HS2ST1: variants seen among roughly 807,000 people sequenced by gnomAD.
The protein encoded by HS2ST1 is heparan sulfate 2-O-sulfotransferase 1.
Under a neutral mutation model 42.9 loss-of-function variants are expected in HS2ST1, and 18 were observed. That is an observed-to-expected ratio of 0.42 (90% confidence interval 0.29 to 0.62). HS2ST1 has a LOEUF of 0.62. Among genes scored for constraint, HS2ST1 ranks in the 20% least tolerant of loss-of-function variants. HS2ST1 has a pLI of 0.21. For missense variants in HS2ST1, 334 were observed against 433.8 expected, an observed-to-expected ratio of 0.77 and a Z score of 2.04; for synonymous variants, 146 against 152.9, an observed-to-expected ratio of 0.95 and a Z score of 0.33.
chr1:87,042,412 AT>A (rs1487600669), intron 1 of HS2ST1, among the ~76,000 whole-genome samples: 1 of 151,972 alleles, frequency 6.6e-6, no homozygotes, highest in Non-Finnish European at 1.5e-5. Context: ...TGTAATAAAA[AT>A]TTCCCCCTAT....
intron 1 of HS2ST1, among the ~76,000 whole-genome samples, chr1:87,013,778 C>G (rs1161397512): frequency 6.6e-6 from 1 of 152,168 alleles, no homozygotes; most frequent in African/African-American, 2.4e-5. Context: ...ATGCATTTAA[C>G]AGCACCCAAG....
chr1:87,085,657 G>A (rs1476208168), intron 3 of HS2ST1, among the ~76,000 whole-genome samples: 1 of 151,994 alleles, frequency 6.6e-6, no homozygotes, highest in Non-Finnish European at 1.5e-5. Flanking sequence ...CATAAGCTTC[G>A]TTCATGTGCA....
At chr1:87,099,025 G>T (rs193097541) in intron 5 of HS2ST1, among the ~76,000 whole-genome samples, 1 of 152,136 alleles carries the variant, frequency 6.6e-6, no homozygotes, top group Non-Finnish European at 1.5e-5. Flanking sequence ...GGATCCACCT[G>T]CCTCGGCCTC....
intron 1 of HS2ST1, among the ~76,000 whole-genome samples, chr1:87,046,939 C>T (rs973793887): frequency 3.3e-5 from 5 of 150,668 alleles, no homozygotes; most frequent in Non-Finnish European, 5.9e-5. Context: ...AACTCCTGAC[C>T]GCAGGTGATC....
intron 1 of HS2ST1, among the ~76,000 whole-genome samples, chr1:86,981,923 A>G (rs1430725110): frequency 3.9e-5 from 6 of 152,240 alleles, no homozygotes; most frequent in Non-Finnish European, 8.8e-5. Context: ...CCGTCCTAGC[A>G]GAGGTTCTCC....
chr1:87,061,919 CT>C (rs535755288), intron 1 of HS2ST1, among the ~76,000 whole-genome samples: 3,118 of 141,598 alleles, frequency 0.022, 35 homozygotes, highest in Non-Finnish European at 0.03. Flanking sequence ...ATTCTTTTCT[CT>C]TTTTTTTTTT....
chr1:87,025,346 A>G (rs1650057115), intron 1 of HS2ST1, among the ~76,000 whole-genome samples: 1 of 152,232 alleles, frequency 6.6e-6, no homozygotes, highest in African/African-American at 2.4e-5. Flanking sequence ...CACCTACAGC[A>G]ATATCAAGTA....
intron 1 of HS2ST1, among the ~76,000 whole-genome samples, chr1:86,929,494 C>G (rs1184498325): frequency 6.6e-6 from 1 of 151,716 alleles, no homozygotes; most frequent in East Asian, 1.9e-4. Flanking sequence ...CATATAAATT[C>G]TAGAAAAGCT....
chr1:87,017,977 A>G (rs1384011451), intron 1 of HS2ST1, among the ~76,000 whole-genome samples: 2 of 151,888 alleles, frequency 1.3e-5, no homozygotes, highest in Non-Finnish European at 2.9e-5. Context: ...TAAGGAATTG[A>G]TTTTACCTAA....
intron 1 of HS2ST1, among the ~76,000 whole-genome samples, chr1:86,935,879 A>G (rs1164363294): frequency 6.6e-6 from 1 of 152,196 alleles, no homozygotes; most frequent in East Asian, 1.9e-4. Context: ...CGCAGATAGT[A>G]CAGAATTCAT....
chr1:86,944,964 T>C (rs1160723593), intron 1 of HS2ST1, among the ~76,000 whole-genome samples: 1 of 152,116 alleles, frequency 6.6e-6, no homozygotes, highest in Non-Finnish European at 1.5e-5. Context: ...GGCCTATTTC[T>C]AATTTGCAAC....
intron 2 of HS2ST1, among the ~76,000 whole-genome samples, chr1:87,076,779 C>CA (rs1158606136): frequency 6.6e-6 from 1 of 151,962 alleles, no homozygotes; most frequent in Non-Finnish European, 1.5e-5. Flanking sequence ...TATGATTTTT[C>CA]AAAAAAAGAA....
At chr1:86,979,428 A>G (rs1259671351) in intron 1 of HS2ST1, among the ~76,000 whole-genome samples, 1 of 152,148 alleles carries the variant, frequency 6.6e-6, no homozygotes, top group Non-Finnish European at 1.5e-5. Context: ...ACTATTCCAG[A>G]TATCTCATGT....
At chr1:86,972,567 C>G (rs1466904974) in intron 1 of HS2ST1, among the ~76,000 whole-genome samples, 1 of 152,094 alleles carries the variant, frequency 6.6e-6, no homozygotes, top group Non-Finnish European at 1.5e-5. Context: ...GTAAATTAAA[C>G]TTAATCATAG....
chr1:87,013,443 C>T (rs1404179447), intron 1 of HS2ST1, among the ~76,000 whole-genome samples: 1 of 152,216 alleles, frequency 6.6e-6, no homozygotes, highest in Non-Finnish European at 1.5e-5. Flanking sequence ...GGCACCAAGT[C>T]CTGAGACTAC....
intron 1 of HS2ST1, among the ~76,000 whole-genome samples, chr1:87,040,905 T>G (rs1262618033): frequency 6.6e-6 from 1 of 152,090 alleles, no homozygotes; most frequent in Non-Finnish European, 1.5e-5. Context: ...TTCCCCACCA[T>G]TGGTGTTACT....
intron 1 of HS2ST1, among the ~76,000 whole-genome samples, chr1:87,070,050 G>C (rs1651363088): frequency 6.6e-6 from 1 of 152,124 alleles, no homozygotes; most frequent in Non-Finnish European, 1.5e-5. Flanking sequence ...CAGCATTGTT[G>C]ATTGTAAGTG....
At chr1:86,995,517 T>C (rs191481623) in intron 1 of HS2ST1, among the ~76,000 whole-genome samples, 98 of 152,276 alleles carry the variant, frequency 6.4e-4, no homozygotes, top group Non-Finnish European at 9.4e-4. Flanking sequence ...ATGTCGACAC[T>C]TGGGATTGAG....
At chr1:87,064,619 G>T (rs1651200853) in intron 1 of HS2ST1, 1 of 473,370 alleles carries the variant, frequency 2.1e-6, no homozygotes, top group Admixed American at 2.3e-5. Context: ...AATTTATTTT[G>T]TTAGTCCCCC....
Sources: allele counts gnomAD v4.1 joint callset (sites outside exome capture counted in the v4.1 genomes callset), GRCh38; gene constraint gnomAD v4.1.1; transcripts MANE v1.5; gene names NCBI Gene and HGNC (gene_info 2026-07-23, HGNC 2026-07-21).